Variants in SYDE2 observed in about 807,000 individuals in gnomAD.
SYDE2 encodes the protein rho GTPase-activating protein SYDE2.
Under a neutral mutation model 91.5 loss-of-function variants are expected in SYDE2, and 76 were observed. That is an observed-to-expected ratio of 0.83 (90% CI 0.69 to 1.01). SYDE2 has a LOEUF of 1.01. Among genes scored for constraint, SYDE2 ranks in the 50% least tolerant of loss-of-function variants. The pLI is 0.00. For missense variants in SYDE2, 1,364 were observed against 1,367.7 expected (o/e 1.00, Z 0.04); for synonymous variants, 513 against 506.4 (o/e 1.01, Z -0.18).
chr1:85,185,776 T>C (rs562114269), intron 2 of SYDE2, among the ~76,000 whole-genome samples: 4 of 151,570 alleles, frequency 2.6e-5, no homozygotes, highest in African/African-American at 4.8e-5. Flanking sequence ...CTTTTCCTAA[T>C]TGAATACCCT....
chr1:85,193,342 CA>C (rs1356427134), intron 1 of SYDE2, among the ~76,000 whole-genome samples: 4 of 152,164 alleles, frequency 2.6e-5, no homozygotes, highest in Admixed American at 2.0e-4. Context: ...AAATTTGAAG[CA>C]AACAGTATAA....
At chr1:85,173,997 C>G (rs1657598391) in intron 4 of SYDE2, among the ~76,000 whole-genome samples, 1 of 151,810 alleles carries the variant, frequency 6.6e-6, no homozygotes. Flanking sequence ...ACTAATATAA[C>G]TTGAAGATAC....
intron 5 of SYDE2, among the ~76,000 whole-genome samples, 200 bp downstream of exon 5, chr1:85,168,844 A>G (rs934841073): frequency 4.6e-5 from 7 of 152,238 alleles, no homozygotes; most frequent in Non-Finnish European, 1.0e-4. Context: ...AATCACATAT[A>G]GAAAAGATAA....
rs781491706 is a variant in SYDE2 at position 85,182,124 on chromosome 1, T to C, written c.2518A>G (p.Met840Val). The change falls in exon 3 of 7, where the codon ATG (methionine) becomes GTG (valine). Residue 840 changes from methionine to valine, a missense_variant. Coordinates refer to ENST00000341460, the MANE Select transcript of SYDE2 (RefSeq NM_032184.2). ...MVPLLIQKCI[M>V]EIEKRGCQVV... Reference sequence around the variant, plus strand: ...TGACAGCCTCTCTTTTCAATTTCCATAATACATTTCTGTATCAGAAGGGGC... The same window carrying C: ...TGACAGCCTCTCTTTTCAATTTCCACAATACATTTCTGTATCAGAAGGGGC... 1.9e-6 allele frequency: 3 copies of C among 1,593,814 alleles called. No individual in the cohort carries two copies. Among genetic ancestry groups the C allele is most frequent in the Non-Finnish European group, 2.6e-6 (3 of 1,172,600 alleles).
chr1:85,200,220 G>A (rs771530272), intron 1 of SYDE2, 32 bp downstream of exon 1: 7 of 1,613,272 alleles, frequency 4.3e-6, no homozygotes, highest in African/African-American at 2.7e-5. Context: ...TAAGGCTCGC[G>A]GTGCTAGCAT....
intron 1 of SYDE2, among the ~76,000 whole-genome samples, 167 bp from the exon 2 acceptor site, chr1:85,190,919 T>C (rs817451): frequency 0.13 from 20,404 of 152,122 alleles, 1,856 homozygotes; most frequent in African/African-American, 0.26. Context: ...CATATAAATA[T>C]GATTTATATT....
At position 85,199,636 on chromosome 1, in the gene SYDE2, G is replaced by T. The variant is rs189146265; in HGVS notation, c.745+616C>A. On this transcript the variant is annotated intron_variant, in intron 1 of 6. Transcript: ENST00000341460. ...TTACTTTGTTGAGGTTTCTTTGTCG[G>T]GGGGAGGCAGGTGGAGAGATGGTGT... Among the ~76,000 whole-genome samples, 49 of 152,102 alleles carry T rather than the reference G, an allele frequency of 3.2e-4. No homozygotes were observed. The East Asian group carries it at 9.1e-3, about 28-fold the overall frequency.
chr1:85,200,636 G>A lies in SYDE2; in HGVS notation c.361C>T (p.Pro121Ser). 6.5e-7 allele frequency: 1 copy of A among 1,544,510 alleles called. No homozygotes were observed. The highest frequency in any genetic ancestry group is 8.7e-7 in the Non-Finnish European group (1 of 1,150,412). Residue 121 changes from proline to serine, a missense_variant, in exon 1 of 7, where the codon CCA (proline) becomes TCA (serine). Pro to Ser is a moderately conservative substitution (Grantham distance 74). Coordinates refer to ENST00000341460, the MANE Select transcript of SYDE2 (RefSeq NM_032184.2). ...CAGCCGTCCATCCTGCCTCCACGTG[G>A]CGGGGGCTCGTCCCAGTCCCGGTGC... ...GAHRDWDEPP[P>S]RGGRMDGWSG...
rs1241602121 is a variant in SYDE2, at chr1:85,164,538, GGAGT to G, written c.3069_3072del (p.Leu1023PhefsTer9). The G allele has an allele frequency of 1.3e-6, 2 of 1,592,892 alleles. No individual in the cohort carries two copies. Among genetic ancestry groups the G allele is most frequent in the African/African-American group, 1.3e-5 (1 of 74,254 alleles). ...TAGAATCATTTACCTGGCCAGAGTT[GGAGT>G]AAGTAATGAAGAACTTCAATGTGTT... On this transcript the variant is annotated frameshift_variant, in exon 6 of 7. Coordinates refer to ENST00000341460, the MANE Select transcript of SYDE2 (RefSeq NM_032184.2). LOFTEE classifies it high-confidence loss of function.
intron 4 of SYDE2, among the ~76,000 whole-genome samples, chr1:85,172,057 G>A (rs1342327744): frequency 6.6e-6 from 1 of 152,124 alleles, no homozygotes; most frequent in East Asian, 1.9e-4. Context: ...GATCAATTGA[G>A]CAAAGTCCCT....
chr1:85,167,725 G>A (rs4489573), intron 5 of SYDE2, among the ~76,000 whole-genome samples: 39,081 of 152,248 alleles, frequency 0.26, 6,181 homozygotes, highest in Non-Finnish European at 0.34. Context: ...GACTTATAGT[G>A]TGATAGACTA....
intron 2 of SYDE2, among the ~76,000 whole-genome samples, chr1:85,187,330 C>T (rs1389641231): frequency 1.3e-5 from 2 of 152,124 alleles, no homozygotes; most frequent in African/African-American, 4.8e-5. Flanking sequence ...CATCTCATAC[C>T]AGTTCGAATG....
At position 85,182,558 on chromosome 1, in the gene SYDE2, G is replaced by T. The variant is rs371614320; in HGVS notation, c.2084C>A (p.Pro695His). ...AAAGACGTCTTTTGAATCTATCCGA[G>T]GTGGTTTTAAATCCTCAGCACCATA... ...HFYGAEDLKP[P>H]RIDSKDVFCA... Residue 695 changes from proline (P) to histidine (H), a missense_variant, in exon 3 of 7, where the codon CCT (proline) becomes CAT (histidine). Physicochemically the swap from Pro to His is moderately conservative, Grantham distance 77 (BLOSUM62 -2). Transcript: ENST00000341460. 18 of 1,613,770 alleles carry T rather than the reference G, an allele frequency of 1.1e-5. No individual in the cohort carries two copies. The highest frequency in any genetic ancestry group is 1.7e-5 in the Admixed American group (1 of 59,990).
rs919998871 is a variant in SYDE2, at chr1:85,191,518, G to C, written c.746-766C>G. Among the ~76,000 whole-genome samples the C allele has an allele frequency of 2.6e-5, 4 of 152,176 alleles. 1 individual carries two copies. The highest frequency in any genetic ancestry group is 6.3e-3 in the Middle Eastern group (2 of 316). On this transcript the variant is annotated intron_variant, in intron 1 of 6. Transcript: ENST00000341460. ...CTAATGCCTGTAATCCCAGCACTTT[G>C]GGAGGCCGAGGCAGGAGGATCACGA...
chr1:85,165,434 A>G (rs576940287), intron 5 of SYDE2, among the ~76,000 whole-genome samples: 1 of 152,220 alleles, frequency 6.6e-6, no homozygotes, highest in Non-Finnish European at 1.5e-5. Flanking sequence ...ATTTTTAAGT[A>G]CAGATAAGTC....
rs1292530123 is a variant in SYDE2, at chr1:85,159,190, G to A, written c.3145C>T (p.Leu1049=). 2 of 780,600 alleles carry A rather than the reference G, an allele frequency of 2.6e-6. No homozygotes were observed. Among genetic ancestry groups the A allele is most frequent in the Non-Finnish European group, 4.8e-6 (2 of 417,956 alleles). 48.4% of individuals were successfully genotyped at this position (780,600 alleles called of 1,614,324 possible). A position where few individuals can be genotyped will look rare whatever the true frequency, so the allele number is the denominator to read the frequency against. The change falls in exon 7 of 7, where the codon CTG becomes TTG. Residue 1049 remains leucine, a synonymous_variant. Coordinates refer to ENST00000341460, the MANE Select transcript of SYDE2 (RefSeq NM_032184.2). ...TCTTTCTTCTGCCTCAGATAATTCA[G>A]AGAAGACTTCTGCTCTGGGAATAAA... ...DNLFPEQKSS[L]NYLRQKKERP... is the part of the protein sequence containing the mutation.
At chr1:85,162,342 G>A (rs189474077) in intron 6 of SYDE2, among the ~76,000 whole-genome samples, 14 of 152,236 alleles carry the variant, frequency 9.2e-5, no homozygotes, top group Non-Finnish European at 1.8e-4. Flanking sequence ...ATATGCTGTG[G>A]CCTACTAGTC....
At chr1:85,167,486 G>C (rs911431977) in intron 5 of SYDE2, among the ~76,000 whole-genome samples, 4 of 152,146 alleles carry the variant, frequency 2.6e-5, no homozygotes, top group African/African-American at 4.8e-5. Flanking sequence ...ACAAAGTCTG[G>C]CTCTATTGCC....
intron 3 of SYDE2, 117 bp downstream of exon 3, chr1:85,181,981 T>C (rs780828528): frequency 1.7e-5 from 19 of 1,110,730 alleles, no homozygotes; most frequent in Non-Finnish European, 2.2e-5. Context: ...AAATAAAGAA[T>C]AGGAATGGTA....
Sources: allele counts gnomAD v4.1 joint callset (sites outside exome capture counted in the v4.1 genomes callset), GRCh38; gene constraint gnomAD v4.1.1; transcripts MANE v1.5; gene names NCBI Gene and HGNC (gene_info 2026-07-23, HGNC 2026-07-21).